C6orf118: variants seen among roughly 807,000 people sequenced by gnomAD.
The protein encoded by C6orf118 is chromosome 6 open reading frame 118, also known as uncharacterized protein C6orf118.
A neutral mutation model predicts 50.2 loss-of-function variants in C6orf118; 50 were observed. The ratio of observed to expected loss-of-function variants is 1.00; its 90% CI spans 0.79 to 1.26. C6orf118 has a LOEUF of 1.26. Ranked by LOEUF, C6orf118 falls within the 50% of genes most tolerant of loss-of-function variation. The pLI is 0.00. For missense variants in C6orf118, 641 were observed against 578.7 expected (o/e 1.11, Z -1.10); for synonymous variants, 239 against 230.9 (o/e 1.03, Z -0.32).
chr6:165,280,096 A>G lies in C6orf118; in HGVS notation c.1371T>C (p.Ile457=). ...LKKKIKGPLE[I]YQGICKIRGN... ...CTCTGATTTTACAAATTCCTTGATA[A>G]ATTTCCAAAGGCCCCTTAAAATACA... The change falls in exon 9 of 9, where the codon ATT becomes ATC. Residue 457 remains isoleucine, a synonymous_variant. Coordinates refer to ENST00000230301, the MANE Select transcript of C6orf118 (RefSeq NM_144980.4). 1 of 1,608,530 alleles carries G rather than the reference A, an allele frequency of 6.2e-7. No individual in the cohort carries two copies. The highest frequency in any genetic ancestry group is 8.5e-7 in the Non-Finnish European group (1 of 1,178,364).
Position 165,300,381 on chromosome 6 carries a change from G to C in C6orf118, c.859C>G (p.Leu287Val), listed in dbSNP as rs758904891. The C allele has an allele frequency of 1.3e-5, 21 of 1,613,732 alleles. No homozygotes were observed. The Admixed American group carries it at 3.0e-4, about 23-fold the overall frequency. ...ICNSSLIFGD[L>V]LKKVKDEYEL... Reference sequence around the variant, plus strand: ...TTTCTTACCTTAACTTTTTTCAAGAGATCACCAAATATCAAAGAACTGTTA... The same window carrying C: ...TTTCTTACCTTAACTTTTTTCAAGACATCACCAAATATCAAAGAACTGTTA... The change falls in exon 3 of 9, where the codon CTC becomes GTC. Residue 287 changes from leucine to valine, a missense_variant. Coordinates refer to ENST00000230301, the MANE Select transcript of C6orf118 (RefSeq NM_144980.4).
At chr6:165,288,408 T>C (rs1779987210) in intron 7 of C6orf118, among the ~76,000 whole-genome samples, 1 of 152,206 alleles carries the variant, frequency 6.6e-6, no homozygotes, top group Non-Finnish European at 1.5e-5. Context: ...AAATACCATT[T>C]GACCCAGCAA....
chr6:165,297,649 T>C (rs1780357536), intron 5 of C6orf118, among the ~76,000 whole-genome samples: 1 of 152,072 alleles, frequency 6.6e-6, no homozygotes. Context: ...CTTTGTAAGT[T>C]AAAAAACAAT....
intron 5 of C6orf118, among the ~76,000 whole-genome samples, chr6:165,296,260 T>TG (rs1428907031): frequency 2.8e-5 from 4 of 144,456 alleles, no homozygotes; most frequent in African/African-American, 1.0e-4. Context: ...GTTTTTTTTT[T>TG]TTTTTTTTTT....
intron 5 of C6orf118, among the ~76,000 whole-genome samples, chr6:165,294,118 T>C (rs1583012897): frequency 6.6e-6 from 1 of 151,624 alleles, no homozygotes; most frequent in Non-Finnish European, 1.5e-5. Flanking sequence ...TGGTGGTGGG[T>C]GCCTGTAGTC....
chr6:165,309,488 C>A lies in C6orf118; in HGVS notation c.25+74G>T. The A allele has an allele frequency of 1.9e-6, 3 of 1,558,090 alleles. No homozygotes were observed. In the South Asian group the frequency reaches 3.3e-5, roughly 17 times the overall value. On this transcript the variant is annotated intron_variant, in intron 1 of 8. Transcript: ENST00000230301. Reference sequence around the variant, plus strand: ...GATTTTCACATTTCAAATCAGTCTTCAGAAGCCCATCCCTCCACAATTGAA... The same window carrying A: ...GATTTTCACATTTCAAATCAGTCTTAAGAAGCCCATCCCTCCACAATTGAA...
intron 5 of C6orf118, among the ~76,000 whole-genome samples, chr6:165,293,925 A>G (rs1401762983): frequency 6.6e-6 from 1 of 152,230 alleles, no homozygotes; most frequent in Non-Finnish European, 1.5e-5. Context: ...GATACGATTT[A>G]CAAATTTCAC....
At chr6:165,292,415 T>C (rs1780136566) in intron 6 of C6orf118, among the ~76,000 whole-genome samples, 1 of 152,200 alleles carries the variant, frequency 6.6e-6, no homozygotes, top group Non-Finnish European at 1.5e-5. Flanking sequence ...CGAAGAAAGA[T>C]TACTAGAGCT....
In C6orf118 at chr6:165,301,580, T is replaced by C; in HGVS notation, c.742A>G (p.Lys248Glu). 1 of 1,611,738 alleles carries C rather than the reference T, an allele frequency of 6.2e-7. No individual in the cohort carries two copies. Among genetic ancestry groups the C allele is most frequent in the African/African-American group, 1.3e-5 (1 of 74,958 alleles). The change falls in exon 2 of 9, where the codon AAG becomes GAG. Residue 248 changes from lysine (K) to glutamate (E), a missense_variant. By Grantham distance (56) the Lys-to-Glu change is moderately conservative. Transcript: ENST00000230301. ...GCTGCCCTCCTCACCTGCTGCAGCT[T>C]TCTCTCGTGGCCCGCGGCCGCCTTG... ...GSKAAAGHER[K>E]LQQELQKICT...
At chr6:165,295,563 A>G (rs112410030) in intron 5 of C6orf118, among the ~76,000 whole-genome samples, 45 of 152,220 alleles carry the variant, frequency 3.0e-4, no homozygotes, top group African/African-American at 1.1e-3. Flanking sequence ...TGGACTAGTG[A>G]TTTGGAGTAG....
chr6:165,281,559 G>C, intron 8 of C6orf118, 81 bp downstream of exon 8: 1 of 1,441,220 alleles, frequency 6.9e-7, no homozygotes, highest in Non-Finnish European at 9.1e-7. Flanking sequence ...ACGATCAGTT[G>C]GTCATGCTTA....
In C6orf118 at chr6:165,301,632, A is replaced by G. The variant is rs199773031; in HGVS notation, c.690T>C (p.Asp230=). 2 of 1,613,880 alleles carry G rather than the reference A, an allele frequency of 1.2e-6. No homozygotes were observed. Among genetic ancestry groups the G allele is most frequent in the East Asian group, 4.5e-5 (2 of 44,846 alleles). The change falls in exon 2 of 9, where the codon GAT becomes GAC. Residue 230 remains aspartate, a synonymous_variant. Coordinates refer to ENST00000230301, the MANE Select transcript of C6orf118 (RefSeq NM_144980.4). Reference sequence around the variant, plus strand: ...TCCCAGTGAAGTCATTCTTCAGGAGATCTTGCTTGGCGAGCACTTCCTTCT... The same window carrying G: ...TCCCAGTGAAGTCATTCTTCAGGAGGTCTTGCTTGGCGAGCACTTCCTTCT... ...RFQKEVLAKQ[D]LLKNDFTGSK...
intron 8 of C6orf118, 190 bp downstream of exon 8, chr6:165,281,450 C>T: frequency 2.3e-6 from 3 of 1,277,474 alleles, no homozygotes; most frequent in South Asian, 1.8e-5. Context: ...TGATACTGCT[C>T]TAGTTCTTTT....
intron 2 of C6orf118, among the ~76,000 whole-genome samples, chr6:165,301,080 G>A (rs1780511042): frequency 2.0e-5 from 3 of 152,144 alleles, no homozygotes; most frequent in South Asian, 2.1e-4. Context: ...CCTCCAATGC[G>A]TCCGCTATGG....
intron 7 of C6orf118, among the ~76,000 whole-genome samples, chr6:165,288,378 C>T (rs1779986669): frequency 6.6e-6 from 1 of 152,178 alleles, no homozygotes; most frequent in African/African-American, 2.4e-5. Context: ...TGTGGCAATT[C>T]CTCAAAGATT....
chr6:165,306,980 A>C (rs958002675), intron 1 of C6orf118, among the ~76,000 whole-genome samples: 3 of 152,170 alleles, frequency 2.0e-5, no homozygotes, highest in Non-Finnish European at 2.9e-5. Flanking sequence ...ACAAACAAAA[A>C]AGAAAGTTTT....
At position 165,302,249 on chromosome 6, in the gene C6orf118, A is replaced by G. The variant is rs939154241; in HGVS notation, c.73T>C (p.Cys25Arg). 10 of 1,613,920 alleles carry G rather than the reference A, an allele frequency of 6.2e-6. No homozygotes were observed. The highest frequency in any genetic ancestry group is 7.6e-6 in the Non-Finnish European group (9 of 1,179,960). The change falls in exon 2 of 9, where the codon TGT (cysteine) becomes CGT (arginine). Residue 25 changes from cysteine to arginine, a missense_variant. Physicochemically the swap from Cys to Arg is radical, Grantham distance 180. Transcript: ENST00000230301. ...GGCGTCTCGCAGTGCTTCAGATTAC[A>G]CAGGGTCTTCACGCCTGGCGTCTCG... is the stretch of plus-strand genomic sequence containing the variant. ...HCETPGVKTLCNLKHCETPGV... is the reference protein window; with the variant it reads ...HCETPGVKTLRNLKHCETPGV...
chr6:165,300,236 G>T, intron 3 of C6orf118, 128 bp downstream of exon 3: 2 of 1,104,556 alleles, frequency 1.8e-6, no homozygotes, highest in Non-Finnish European at 2.6e-6. Flanking sequence ...CTCTGGGAGT[G>T]ATGGTCCCTG....
chr6:165,292,169 G>T (rs143495291), intron 6 of C6orf118, among the ~76,000 whole-genome samples: 8 of 152,244 alleles, frequency 5.3e-5, no homozygotes, highest in African/African-American at 1.4e-4. Context: ...AGGCAAAAAG[G>T]AATGTCAAGC....
Sources: gnomAD v4.1 joint callset for allele counts (sites outside exome capture counted in the v4.1 genomes callset) on GRCh38, gnomAD v4.1.1 for gene constraint, MANE v1.5 for transcripts, NCBI Gene and HGNC (gene_info 2026-07-23, HGNC 2026-07-21) for gene names.